Variants in FSTL5 observed in about 807,000 individuals in gnomAD.
The protein encoded by FSTL5 is follistatin-related protein 5.
In FSTL5, 62 loss-of-function variants were observed where a neutral mutation model predicts 89.1. The observed-to-expected ratio is 0.70, with a 90% CI of 0.57 to 0.86. The LOEUF is 0.86. Ranked by LOEUF, FSTL5 falls within the 40% of genes least tolerant of loss-of-function variation. The probability of loss-of-function intolerance (pLI) is 0.00; values close to 1 mark genes in which losing one functional copy is unlikely to be tolerated. For missense variants in FSTL5, 1,057 were observed against 1,001.6 expected (o/e 1.06, Z -0.75); for synonymous variants, 383 against 346.2 (o/e 1.11, Z -1.18).
chr4:161,499,914 C>T, intron 12 of FSTL5, 102 bp downstream of exon 12: 1 of 681,116 alleles, frequency 1.5e-6, no homozygotes, highest in Non-Finnish European at 2.6e-6. Context: ...TTTCTTCCAA[C>T]ACGAGTCTCA....
At chr4:161,919,965 T>C (rs1733946674) in intron 4 of FSTL5, among the ~76,000 whole-genome samples, 1 of 152,218 alleles carries the variant, frequency 6.6e-6, no homozygotes, top group African/African-American at 2.4e-5. Flanking sequence ...TGGTTCCTTA[T>C]AATTTGAATT....
chr4:161,654,050 A>G (rs894091862), intron 7 of FSTL5, among the ~76,000 whole-genome samples: 1 of 152,048 alleles, frequency 6.6e-6, no homozygotes, highest in Non-Finnish European at 1.5e-5. Context: ...AATAAAGTGT[A>G]TTTGTGCAAG....
chr4:161,638,845 T>C (rs1331758844), intron 7 of FSTL5, among the ~76,000 whole-genome samples: 3 of 132,684 alleles, frequency 2.3e-5, no homozygotes, highest in Non-Finnish European at 4.8e-5. Flanking sequence ...TGGTTCAATA[T>C]ACGCAAATCG....
At chr4:161,408,883 A>C (rs1057121279) in intron 15 of FSTL5, among the ~76,000 whole-genome samples, 1 of 152,220 alleles carries the variant, frequency 6.6e-6, no homozygotes. Context: ...AGAATTAACA[A>C]ATATGAACAA....
chr4:161,459,957 T>C (rs1733501499), intron 13 of FSTL5, among the ~76,000 whole-genome samples: 1 of 151,052 alleles, frequency 6.6e-6, no homozygotes, highest in Non-Finnish European at 1.5e-5. Context: ...ATAATATGTA[T>C]AATATTTATA....
At chr4:161,651,417 G>T (rs1050997491) in intron 7 of FSTL5, among the ~76,000 whole-genome samples, 17 of 151,136 alleles carry the variant, frequency 1.1e-4, no homozygotes, top group African/African-American at 4.1e-4. Context: ...CATTTCCTGT[G>T]AATTCCCAAT....
rs546221284 is a variant in FSTL5, at chr4:161,734,271, A to C, written c.727+25140T>G. Among the ~76,000 whole-genome samples, 11 of 152,328 alleles carry C rather than the reference A, an allele frequency of 7.2e-5. No individual in the cohort carries two copies. In the South Asian group the frequency reaches 2.3e-3, roughly 32 times the overall value. On this transcript the variant is annotated intron_variant, in intron 6 of 15. Coordinates refer to ENST00000306100, the MANE Select transcript of FSTL5 (RefSeq NM_020116.5). ...CAAAAATGTAACTCCAAGTACTTAA[A>C]GTTCCTTTACAAACAGAAATAAAAT...
rs1351521642 is a variant in FSTL5, at chr4:161,384,914, T to C, written c.*833A>G. 1 of 152,174 alleles carries C rather than the reference T, an allele frequency of 6.6e-6. No individual in the cohort carries two copies. The highest frequency in any genetic ancestry group is 2.4e-5 in the African/African-American group (1 of 41,454). The allele number at this position is 152,174 out of a possible 1,614,324, so 9.4% of individuals were successfully genotyped here. A position where few individuals can be genotyped will look rare whatever the true frequency, so the allele number is the denominator to read the frequency against. On this transcript the variant is annotated 3_prime_UTR_variant, in exon 16 of 16. Coordinates refer to ENST00000306100, the MANE Select transcript of FSTL5 (RefSeq NM_020116.5). The stretch of plus-strand genomic sequence containing the variant: ...AATAAATAATCTATTCTGCTAGTAA[T>C]AAACATCTGTAGGCAGTTGACATCC...
intron 6 of FSTL5, among the ~76,000 whole-genome samples, chr4:161,690,664 T>C (rs1737906860): frequency 6.6e-6 from 1 of 152,136 alleles, no homozygotes; most frequent in Non-Finnish European, 1.5e-5. Context: ...TTATAACTTT[T>C]ATTTTAAGTT....
chr4:161,404,874 A>G (rs1180809865), intron 15 of FSTL5, among the ~76,000 whole-genome samples: 2 of 152,160 alleles, frequency 1.3e-5, no homozygotes, highest in Admixed American at 6.5e-5. Flanking sequence ...AGAAATTAAC[A>G]AAAACTTTCC....
chr4:161,798,485 T>TA (rs1729700162), intron 4 of FSTL5, among the ~76,000 whole-genome samples: 1 of 151,298 alleles, frequency 6.6e-6, no homozygotes, highest in African/African-American at 2.4e-5. Context: ...TTTTTTTTTT[T>TA]AAAGTATTTA....
chr4:162,145,499 T>C (rs1732938689), intron 1 of FSTL5, among the ~76,000 whole-genome samples: 1 of 152,092 alleles, frequency 6.6e-6, no homozygotes, highest in Non-Finnish European at 1.5e-5. Context: ...GCACTGAAGG[T>C]TGGCAAGGAA....
At chr4:161,604,773 T>C (rs1021667808) in intron 7 of FSTL5, among the ~76,000 whole-genome samples, 5 of 152,160 alleles carry the variant, frequency 3.3e-5, no homozygotes, top group Non-Finnish European at 5.9e-5. Context: ...TATCAAGCAC[T>C]GTTGGAGCCT....
chr4:162,002,469 C>A (rs1736492611), intron 3 of FSTL5, among the ~76,000 whole-genome samples: 1 of 152,128 alleles, frequency 6.6e-6, no homozygotes, highest in Admixed American at 6.5e-5. Context: ...TATTTGTTTG[C>A]AGTCATTAGT....
At chr4:161,995,067 T>C (rs1224407725) in intron 3 of FSTL5, among the ~76,000 whole-genome samples, 2 of 152,124 alleles carry the variant, frequency 1.3e-5, no homozygotes, top group African/African-American at 4.8e-5. Flanking sequence ...TTGCATATGG[T>C]GTAAGGAAGG....
intron 7 of FSTL5, among the ~76,000 whole-genome samples, chr4:161,603,303 C>T (rs1734316765): frequency 6.6e-6 from 1 of 152,094 alleles, no homozygotes; most frequent in Non-Finnish European, 1.5e-5. Context: ...TACGTTTGCA[C>T]TATATTATAG....
chr4:162,110,165 A>G (rs1250033781), intron 2 of FSTL5, among the ~76,000 whole-genome samples: 2 of 152,042 alleles, frequency 1.3e-5, no homozygotes, highest in African/African-American at 2.4e-5. Context: ...TTTGTTGACT[A>G]TCGAATCTAT....
chr4:161,789,736 T>G (rs1179911782), intron 4 of FSTL5, among the ~76,000 whole-genome samples: 1 of 152,174 alleles, frequency 6.6e-6, no homozygotes, highest in African/African-American at 2.4e-5. Context: ...AATACATCAT[T>G]CTTTTGTTTA....
intron 4 of FSTL5, among the ~76,000 whole-genome samples, chr4:161,865,104 GA>G (rs1732039477): frequency 6.6e-6 from 1 of 151,978 alleles, no homozygotes; most frequent in African/African-American, 2.4e-5. Context: ...AGCACAACAT[GA>G]AAACAGGGCC....
Sources: gnomAD v4.1 joint callset for allele counts (sites outside exome capture counted in the v4.1 genomes callset) on GRCh38, gnomAD v4.1.1 for gene constraint, MANE v1.5 for transcripts, NCBI Gene and HGNC (gene_info 2026-07-23, HGNC 2026-07-21) for gene names.